The following SAMD5 variants were observed in gnomAD, a reference collection of about 807,000 sequenced individuals.
SAMD5 encodes sterile alpha motif domain-containing protein 5.
A neutral mutation model predicts 11.3 loss-of-function variants in SAMD5; 13 were observed. That is an observed-to-expected ratio of 1.15 (90% confidence interval 0.75 to 1.83). The LOEUF is 1.83. SAMD5 is among the 40% of genes most tolerant of loss of function. The pLI is 0.00. For missense variants in SAMD5, 255 were observed against 239.1 expected (o/e 1.07, Z -0.44); for synonymous variants, 129 against 111.3 (o/e 1.16, Z -1.00).
chr6:147,554,051 G>A (rs188190806), intron 1 of SAMD5, among the ~76,000 whole-genome samples: 1 of 152,152 alleles, frequency 6.6e-6, no homozygotes, highest in Non-Finnish European at 1.5e-5. Flanking sequence ...CAGAACTGCA[G>A]GGCTGGGGAG....
chr6:147,804,712 G>A, the SAMD5 span, among the ~76,000 whole-genome samples: 12 of 152,162 alleles, frequency 7.9e-5, no homozygotes, highest in African/African-American at 1.9e-4. Context: ...CTTAGGCTGC[G>A]TAACATTATG....
intron 1 of SAMD5, among the ~76,000 whole-genome samples, chr6:147,695,546 G>A (rs563499276): frequency 6.1e-4 from 93 of 152,112 alleles, no homozygotes; most frequent in Non-Finnish European, 1.0e-4. Context: ...TAGAAATAAA[G>A]AATATGATAA....
rs1791392763 is a variant in SAMD5, at chr6:147,711,190, C to T, written c.163-26127C>T. ...CTACCAGTCTCTTTCATTAAATCTT[C>T]ATGACAGCTCTTTGAAGCAGGAATT... is the stretch of plus-strand genomic sequence containing the variant. On this transcript the variant is annotated intron_variant, in intron 1 of 1. Transcript: ENST00000566741. The surrounding 1 kb of genome is among the most constrained non-coding windows in gnomAD (Gnocchi z 4.1). Among the ~76,000 whole-genome samples the T allele has an allele frequency of 6.6e-6, 1 of 152,162 alleles. No homozygotes were observed. Among genetic ancestry groups the T allele is most frequent in the Non-Finnish European group, 1.5e-5 (1 of 68,030 alleles).
chr6:147,515,861 C>T (rs1041440302), intron 1 of SAMD5, among the ~76,000 whole-genome samples: 4 of 152,054 alleles, frequency 2.6e-5, no homozygotes, highest in African/African-American at 9.6e-5. Flanking sequence ...TGATTAAAAC[C>T]CAAGTAAAGA....
the SAMD5 span, among the ~76,000 whole-genome samples, chr6:147,800,877 A>C: frequency 6.6e-6 from 1 of 152,178 alleles, no homozygotes; most frequent in African/African-American, 2.4e-5. Context: ...AAATGAAACT[A>C]TTCTAACCAA....
In SAMD5 at chr6:147,569,566, C is replaced by A; in HGVS notation, c.*5110C>A. ...ATTAGATGAATTATCCCTTATCATT[C>A]CAAAAATGAAATGCTGTGTTAAATA... On this transcript the variant is annotated 3_prime_UTR_variant, in exon 2 of 2. Coordinates refer to ENST00000367474, the MANE Select transcript of SAMD5 (RefSeq NM_001030060.3). 2.0e-5 allele frequency: 19 copies of A among 956,012 alleles called. No homozygotes were observed. Among genetic ancestry groups the A allele is most frequent in the Non-Finnish European group, 2.4e-5 (19 of 803,066 alleles). The allele number at this position is 956,012 out of a possible 1,614,324, so 59.2% of individuals were successfully genotyped here.
intron 1 of SAMD5, among the ~76,000 whole-genome samples, chr6:147,642,693 AACTG>A (rs1266151868): frequency 3.3e-5 from 5 of 152,178 alleles, no homozygotes; most frequent in African/African-American, 4.8e-5. Context: ...AAAGCATATA[AACTG>A]ACTTTTTGTT....
At chr6:147,570,594 A>G (rs1190602117), downstream of SAMD5, among the ~76,000 whole-genome samples, 6 of 152,126 alleles carry the variant, frequency 3.9e-5, no homozygotes, top group Non-Finnish European at 8.8e-5. Flanking sequence ...AAGAAGTTTT[A>G]TCACAGTGTT....
chr6:147,604,561 T>C (rs1789671071), intron 1 of SAMD5, among the ~76,000 whole-genome samples: 1 of 152,218 alleles, frequency 6.6e-6, no homozygotes, highest in African/African-American at 2.4e-5. Context: ...TAGGTGGGGA[T>C]CCAATTTCAA....
intron 1 of SAMD5, among the ~76,000 whole-genome samples, chr6:147,704,337 G>A (rs1791296836): frequency 6.6e-6 from 1 of 151,986 alleles, no homozygotes; most frequent in Non-Finnish European, 1.5e-5. Context: ...ATCCCTACTT[G>A]TAATTATTGT....
chr6:147,519,471 A>G (rs1788219783), intron 1 of SAMD5, among the ~76,000 whole-genome samples: 1 of 152,242 alleles, frequency 6.6e-6, no homozygotes, highest in African/African-American at 2.4e-5. Context: ...ACCAAACTCA[A>G]GCATTATACC....
Position 147,564,719 on chromosome 6 carries a change from C to A in SAMD5, c.*263C>A. On this transcript the variant is annotated 3_prime_UTR_variant, in exon 2 of 2. Coordinates refer to ENST00000367474, the MANE Select transcript of SAMD5 (RefSeq NM_001030060.3). The stretch of plus-strand genomic sequence containing the variant: ...TTTAAGAAGATATCATGATGAGATA[C>A]AGTCTTATGCATTTCTTGGCATTCT... The A allele has an allele frequency of 8.9e-7, 1 of 1,121,944 alleles. No homozygotes were observed. Among genetic ancestry groups the A allele is most frequent in the Non-Finnish European group, 1.1e-6 (1 of 916,504 alleles). The allele number at this position is 1,121,944 out of a possible 1,614,324, so 69.5% of individuals were successfully genotyped here.
chr6:147,572,944 G>A (rs922219548), downstream of SAMD5, among the ~76,000 whole-genome samples: 3 of 152,084 alleles, frequency 2.0e-5, no homozygotes, highest in Non-Finnish European at 2.9e-5. Flanking sequence ...CTGTACCAAA[G>A]TAAAGGCAAA....
At chr6:147,623,558 C>T (rs1002749327) in intron 1 of SAMD5, among the ~76,000 whole-genome samples, 9 of 152,126 alleles carry the variant, frequency 5.9e-5, no homozygotes, top group Admixed American at 3.9e-4. Flanking sequence ...TTGCCATTTT[C>T]GTGATGTATT....
intron 1 of SAMD5, among the ~76,000 whole-genome samples, chr6:147,582,493 G>T (rs1450861956): frequency 2.0e-5 from 3 of 152,150 alleles, no homozygotes; most frequent in African/African-American, 7.2e-5. Flanking sequence ...GTTTGAATGG[G>T]GCTAATGTAA....
chr6:147,849,124 T>C, the SAMD5 span, among the ~76,000 whole-genome samples: 1 of 151,550 alleles, frequency 6.6e-6, no homozygotes, highest in Non-Finnish European at 1.5e-5. Flanking sequence ...AAAGGTGTAA[T>C]AGTTGAAGAT....
the SAMD5 span, among the ~76,000 whole-genome samples, chr6:147,950,464 C>T: frequency 1.3e-5 from 2 of 152,158 alleles, no homozygotes. Flanking sequence ...CTGCTGTGAA[C>T]TGTGGTTTTG....
At chr6:147,773,723 C>T in the SAMD5 span, among the ~76,000 whole-genome samples, 7 of 152,102 alleles carry the variant, frequency 4.6e-5, no homozygotes, top group East Asian at 1.9e-4. Flanking sequence ...AATGCCCCAC[C>T]GCCCAATAGC....
At chr6:147,946,703 T>A in the SAMD5 span, among the ~76,000 whole-genome samples, 1 of 152,228 alleles carries the variant, frequency 6.6e-6, no homozygotes, top group Non-Finnish European at 1.5e-5. Flanking sequence ...CTATTTTTTC[T>A]TCTGTGTTTC....
Sources: gnomAD v4.1 joint callset for allele counts (sites outside exome capture counted in the v4.1 genomes callset) on GRCh38, gnomAD v4.1.1 for gene constraint, Gnocchi (gnomAD v3.1) non-coding constraint, MANE v1.5 for transcripts, NCBI Gene and HGNC (gene_info 2026-07-23, HGNC 2026-07-21) for gene names.